The following PLCL2 variants were observed in gnomAD, a reference collection of about 807,000 sequenced individuals.
The protein encoded by PLCL2 is inactive phospholipase C-like protein 2.
Under a neutral mutation model 79.6 loss-of-function variants are expected in PLCL2, and 4 were observed. The observed-to-expected ratio is 0.05, with a 90% confidence interval of 0.02 to 0.11. The LOEUF is 0.11. PLCL2 is among the 10% of genes least tolerant of loss of function. PLCL2 has a pLI of 1.00. For synonymous variants in PLCL2, 484 were observed against 457.7 expected (o/e 1.06, Z -0.73); for missense variants, 895 against 1,291.0 (o/e 0.69, Z 4.70).
At chr3:17,062,897 C>T (rs2064966223) in intron 4 of PLCL2, among the ~76,000 whole-genome samples, 1 of 152,098 alleles carries the variant, frequency 6.6e-6, no homozygotes, top group Non-Finnish European at 1.5e-5. Flanking sequence ...TATCCCTAAG[C>T]AGCGGCGGCA....
intron 1 of PLCL2, among the ~76,000 whole-genome samples, chr3:16,898,729 C>T (rs1019633924): frequency 6.6e-6 from 1 of 152,240 alleles, no homozygotes; most frequent in African/African-American, 2.4e-5. Flanking sequence ...AAAGCTGTCC[C>T]CAGATACAGT....
chr3:16,961,438 A>G lies in PLCL2; in HGVS notation c.328-48236A>G, dbSNP rs372963877. 3.9e-5 allele frequency among the ~76,000 whole-genome samples: 6 copies of G among 152,360 alleles called. 1 individual carries two copies. On this transcript the variant is annotated intron_variant, in intron 1 of 5. Coordinates refer to ENST00000615277, the MANE Select transcript of PLCL2 (RefSeq NM_001144382.2). ...ACATAAAGTTGAAATGCAGTGGGACATGAAGTGGAGGGAAACTTTATCTGA... is the reference window on the plus strand; with the variant it reads ...ACATAAAGTTGAAATGCAGTGGGACGTGAAGTGGAGGGAAACTTTATCTGA...
intron 3 of PLCL2, among the ~76,000 whole-genome samples, chr3:17,024,663 T>G (rs1326953516): frequency 6.6e-6 from 1 of 152,170 alleles, no homozygotes; most frequent in Non-Finnish European, 1.5e-5. Context: ...TTGTATGTCT[T>G]TATGCAGTTT....
intron 1 of PLCL2, among the ~76,000 whole-genome samples, chr3:16,968,241 T>G (rs558482931): frequency 6.6e-6 from 1 of 152,256 alleles, no homozygotes; most frequent in Non-Finnish European, 1.5e-5. Flanking sequence ...ACAGTCACCT[T>G]GGCTATTCAG....
chr3:16,980,394 C>G (rs1417349516), intron 1 of PLCL2, among the ~76,000 whole-genome samples: 2 of 140,592 alleles, frequency 1.4e-5, no homozygotes, highest in Non-Finnish European at 1.5e-5. Flanking sequence ...CGGCTGCCGG[C>G]CGGAGGGGCT....
At chr3:17,013,168 G>T (rs573657459) in intron 2 of PLCL2, among the ~76,000 whole-genome samples, 1 of 151,790 alleles carries the variant, frequency 6.6e-6, no homozygotes, top group Non-Finnish European at 1.5e-5. Context: ...CCTCAGCTCT[G>T]AGCAAGCGCA....
intron 1 of PLCL2, among the ~76,000 whole-genome samples, chr3:16,966,516 G>T (rs538829198): frequency 1.3e-5 from 2 of 152,240 alleles, no homozygotes; most frequent in Non-Finnish European, 2.9e-5. Flanking sequence ...TTGGTATCAG[G>T]ATGATGTTGG....
intron 1 of PLCL2, among the ~76,000 whole-genome samples, chr3:16,950,542 T>C (rs2063640797): frequency 6.6e-6 from 1 of 152,078 alleles, no homozygotes; most frequent in East Asian, 1.9e-4. Context: ...GACAGTGTTG[T>C]GTGTTTATTG....
chr3:17,057,973 A>G (rs777528724), intron 4 of PLCL2, among the ~76,000 whole-genome samples: 2 of 152,252 alleles, frequency 1.3e-5, no homozygotes, highest in Non-Finnish European at 2.9e-5. Context: ...AGAGGGCTCC[A>G]GGTCAAGTAT....
chr3:17,013,945 G>A (rs1347677538), intron 2 of PLCL2, among the ~76,000 whole-genome samples: 1 of 152,186 alleles, frequency 6.6e-6, no homozygotes, highest in Non-Finnish European at 1.5e-5. Flanking sequence ...TCCATAACAT[G>A]GCTTGCTGTG....
chr3:17,082,664 G>C (rs545939725), intron 5 of PLCL2, among the ~76,000 whole-genome samples: 1 of 152,248 alleles, frequency 6.6e-6, no homozygotes, highest in South Asian at 2.1e-4. Flanking sequence ...GATTCAACCA[G>C]ATGAAGAATT....
chr3:16,971,070 G>T (rs1285556961), intron 1 of PLCL2, among the ~76,000 whole-genome samples: 1 of 151,598 alleles, frequency 6.6e-6, no homozygotes, highest in African/African-American at 2.4e-5. Flanking sequence ...AGTTTAATTA[G>T]ATCCCATTTG....
chr3:17,088,238 G>T (rs1443933302), intron 5 of PLCL2, among the ~76,000 whole-genome samples: 1 of 152,160 alleles, frequency 6.6e-6, no homozygotes, highest in Non-Finnish European at 1.5e-5. Flanking sequence ...GCCAGCCAAG[G>T]TAAGTCCCTA....
intron 1 of PLCL2, among the ~76,000 whole-genome samples, chr3:16,900,188 A>C (rs1470006577): frequency 1.3e-5 from 2 of 152,226 alleles, no homozygotes; most frequent in Non-Finnish European, 2.9e-5. Context: ...TGTTTACTAA[A>C]GAAAATAACC....
At chr3:17,042,609 A>C (rs1459377009) in intron 3 of PLCL2, 1 of 296,490 alleles carries the variant, frequency 3.4e-6, no homozygotes, top group African/African-American at 2.1e-5. Context: ...AGTTCAGTAT[A>C]TTAGCTCAGG....
At chr3:16,994,918 A>G (rs1425131129) in intron 1 of PLCL2, among the ~76,000 whole-genome samples, 1 of 152,264 alleles carries the variant, frequency 6.6e-6, no homozygotes, top group African/African-American at 2.4e-5. Flanking sequence ...ATAGGTGAGA[A>G]GGCCAGAGTA....
In PLCL2 at chr3:16,886,766, G is replaced by C. The variant is rs1696234169; in HGVS notation, c.327+1400G>C. On this transcript the variant is annotated intron_variant, in intron 1 of 5. Coordinates refer to ENST00000615277, the MANE Select transcript of PLCL2 (RefSeq NM_001144382.2). This position sits in a 1 kb window ranked among gnomAD's most constrained non-coding sequence, Gnocchi z 4.2. Reference sequence around the variant, plus strand: ...CTCTGTAGCTTATGTTTCCATGGAAGTTGCTTTCAACTGTGCATGATAATC... The same window carrying C: ...CTCTGTAGCTTATGTTTCCATGGAACTTGCTTTCAACTGTGCATGATAATC... Among the ~76,000 whole-genome samples, 1 of 152,232 alleles carries C rather than the reference G, an allele frequency of 6.6e-6. No individual in the cohort carries two copies. Among genetic ancestry groups the C allele is most frequent in the African/African-American group, 2.4e-5 (1 of 41,452 alleles).
intron 1 of PLCL2, among the ~76,000 whole-genome samples, chr3:16,949,133 G>T (rs1368483932): frequency 6.6e-6 from 1 of 152,146 alleles, no homozygotes; most frequent in Admixed American, 6.6e-5. Flanking sequence ...GAGTGGTTCA[G>T]CAGTAGAATC....
At chr3:16,905,943 T>C (rs1160425862) in intron 1 of PLCL2, among the ~76,000 whole-genome samples, 1 of 152,190 alleles carries the variant, frequency 6.6e-6, no homozygotes, top group Admixed American at 6.5e-5. Flanking sequence ...AACCATCTTC[T>C]GCTTTGGCAA....
Sources: allele counts gnomAD v4.1 joint callset (sites outside exome capture counted in the v4.1 genomes callset), GRCh38; gene constraint gnomAD v4.1.1; non-coding constraint Gnocchi (gnomAD v3.1); transcripts MANE v1.5; gene names NCBI Gene and HGNC (gene_info 2026-07-23, HGNC 2026-07-21).